Variants in PRDM5 observed in about 807,000 individuals in gnomAD.
The protein encoded by PRDM5 is PR domain zinc finger protein 5.
PRDM5 carries 56 observed loss-of-function variants against 81.2 expected under a neutral mutation model. The ratio of observed to expected loss-of-function variants is 0.69; its 90% CI spans 0.56 to 0.86. The LOEUF (loss-of-function observed/expected upper bound fraction) is 0.86, where lower values mean the gene tolerates loss of function less well. Among genes scored for constraint, PRDM5 ranks in the 40% least tolerant of loss-of-function variants. The pLI is 0.00. For synonymous variants in PRDM5, 267 were observed against 256.4 expected, an observed-to-expected ratio of 1.04 and a Z score of -0.39; for missense variants, 697 against 770.1, an observed-to-expected ratio of 0.91 and a Z score of 1.12.
At chr4:120,832,458 C>T (rs181739627) in intron 3 of PRDM5, among the ~76,000 whole-genome samples, 33 of 152,224 alleles carry the variant, frequency 2.2e-4, no homozygotes, top group African/African-American at 7.7e-4. Context: ...AACTATATCA[C>T]AAATTACATA....
At chr4:120,798,950 C>A (rs567610085) in intron 9 of PRDM5, among the ~76,000 whole-genome samples, 3 of 152,070 alleles carry the variant, frequency 2.0e-5, no homozygotes, top group Non-Finnish European at 4.4e-5. Context: ...ATAAAGCATA[C>A]CTAAAAGATA....
At chr4:120,759,565 T>C (rs900641335) in intron 13 of PRDM5, among the ~76,000 whole-genome samples, 1 of 152,258 alleles carries the variant, frequency 6.6e-6, no homozygotes, top group Non-Finnish European at 1.5e-5. Flanking sequence ...ATGCATATGA[T>C]ATTTGCCTTC....
intron 3 of PRDM5, among the ~76,000 whole-genome samples, chr4:120,835,009 T>G (rs562088643): frequency 6.6e-6 from 1 of 152,354 alleles, no homozygotes; most frequent in Admixed American, 6.5e-5. Flanking sequence ...TGTCAACAAT[T>G]TTTAATTCTA....
chr4:120,839,401 A>G (rs1561448638), intron 3 of PRDM5: 1 of 659,576 alleles, frequency 1.5e-6, no homozygotes, highest in East Asian at 2.7e-5. Flanking sequence ...GGGTATACCA[A>G]TGAGCATTCA....
At position 120,810,850 on chromosome 4, in the gene PRDM5, G is replaced by A. The variant is rs547262542; in HGVS notation, c.945+520C>T. The stretch of plus-strand genomic sequence containing the variant: ...TCAGACATATCAACACAATAATTTA[G>A]CTGCCTCACATGTTATAAGTTAAAC... On this transcript the variant is annotated intron_variant, in intron 8 of 15. Transcript: ENST00000264808. Among the ~76,000 whole-genome samples, 5 of 152,090 alleles carry A rather than the reference G, an allele frequency of 3.3e-5. No individual in the cohort carries two copies. The South Asian group carries it at 1.0e-3, about 32-fold the overall frequency.
intron 3 of PRDM5, chr4:120,838,196 G>C (rs1237581274): frequency 1.3e-5 from 2 of 152,150 alleles, no homozygotes; most frequent in African/African-American, 4.8e-5. Flanking sequence ...ATGCAGTAAA[G>C]TACCATAGAC....
intron 11 of PRDM5, among the ~76,000 whole-genome samples, chr4:120,784,559 G>A (rs1411053429): frequency 2.6e-5 from 4 of 152,068 alleles, no homozygotes; most frequent in Non-Finnish European, 2.9e-5. Flanking sequence ...TAAGGTGTCC[G>A]ATTAGATGTG....
At chr4:120,740,490 C>T (rs561245541) in intron 14 of PRDM5, among the ~76,000 whole-genome samples, 1 of 152,192 alleles carries the variant, frequency 6.6e-6, no homozygotes, top group Non-Finnish European at 1.5e-5. Context: ...CTTCCTGTCT[C>T]TATGTGGAAA....
chr4:120,732,259 T>C (rs868807981), intron 14 of PRDM5, among the ~76,000 whole-genome samples: 35 of 152,316 alleles, frequency 2.3e-4, no homozygotes, highest in African/African-American at 8.4e-4. Flanking sequence ...GATTTCTTGA[T>C]TAGAATATAA....
chr4:120,920,378 T>C (rs1280208747), intron 1 of PRDM5, among the ~76,000 whole-genome samples: 2 of 152,226 alleles, frequency 1.3e-5, no homozygotes, highest in Non-Finnish European at 2.9e-5. Flanking sequence ...TAAAAACTTT[T>C]AAGTAAGGTT....
At chr4:120,858,132 A>G (rs934352858) in intron 2 of PRDM5, among the ~76,000 whole-genome samples, 1 of 152,248 alleles carries the variant, frequency 6.6e-6, no homozygotes. Flanking sequence ...TATTTATTAA[A>G]TAAAACATAT....
intron 14 of PRDM5, among the ~76,000 whole-genome samples, chr4:120,726,778 TG>T (rs1384255564): frequency 6.6e-6 from 1 of 151,814 alleles, no homozygotes. Flanking sequence ...AAGACACAAA[TG>T]GGGGTGGGAT....
At chr4:120,716,986 G>T (rs1737869897) in intron 14 of PRDM5, among the ~76,000 whole-genome samples, 1 of 150,052 alleles carries the variant, frequency 6.7e-6, no homozygotes. Context: ...ACAGTTAGAA[G>T]AACAGGCTGA....
intron 8 of PRDM5, among the ~76,000 whole-genome samples, chr4:120,804,663 A>T (rs1407192988): frequency 6.6e-6 from 1 of 152,362 alleles, no homozygotes; most frequent in Non-Finnish European, 1.5e-5. Context: ...GAGAACAAAG[A>T]CACAACATAC....
chr4:120,751,776 A>G (rs1744047881), intron 14 of PRDM5, among the ~76,000 whole-genome samples: 1 of 152,182 alleles, frequency 6.6e-6, no homozygotes. Flanking sequence ...CAGAGAGTAA[A>G]TGGCTTTGTG....
intron 14 of PRDM5, among the ~76,000 whole-genome samples, chr4:120,746,972 G>C (rs771384837): frequency 6.6e-6 from 1 of 150,792 alleles, no homozygotes; most frequent in Admixed American, 6.6e-5. Flanking sequence ...CTGCTATAAA[G>C]ACACATGCAC....
intron 14 of PRDM5, among the ~76,000 whole-genome samples, chr4:120,742,131 G>A (rs995256201): frequency 4.6e-5 from 7 of 152,128 alleles, no homozygotes; most frequent in African/African-American, 9.7e-5. Context: ...CTGACCCCCC[G>A]AGCAGCCTAA....
At chr4:120,687,696 A>G (rs1733888093), downstream of PRDM5, among the ~76,000 whole-genome samples, 1 of 152,156 alleles carries the variant, frequency 6.6e-6, no homozygotes, top group Non-Finnish European at 1.5e-5. Context: ...TTGTAACAGT[A>G]TTAAGAGGTG....
At chr4:120,762,376 A>T (rs569839939) in intron 13 of PRDM5, 56 of 152,310 alleles carry the variant, frequency 3.7e-4, no homozygotes, top group African/African-American at 1.3e-3. Flanking sequence ...TTCATGAAAA[A>T]TACCTGATAT....
Sources: gnomAD v4.1 joint callset for allele counts (sites outside exome capture counted in the v4.1 genomes callset) on GRCh38, gnomAD v4.1.1 for gene constraint, MANE v1.5 for transcripts, NCBI Gene and HGNC (gene_info 2026-07-23, HGNC 2026-07-21) for gene names.